CFAP57: variants seen among roughly 807,000 people sequenced by gnomAD.
CFAP57 encodes the protein cilia and flagella associated protein 57, also known as cilia- and flagella-associated protein 57.
In CFAP57, 116 loss-of-function variants were observed where a neutral mutation model predicts 146.8. That is an observed-to-expected ratio of 0.79 (90% CI 0.68 to 0.92). The LOEUF (loss-of-function observed/expected upper bound fraction) is 0.92. Ranked by LOEUF, CFAP57 falls within the 40% of genes least tolerant of loss-of-function variation. CFAP57 has a pLI of 0.00. For missense variants in CFAP57, 1,377 were observed against 1,527.2 expected (o/e 0.90, Z 1.64); for synonymous variants, 518 against 552.8 (o/e 0.94, Z 0.88).
intron 12 of CFAP57, 83 bp downstream of exon 12, chr1:43,215,499 A>G (rs1443539510): frequency 1.3e-6 from 2 of 1,483,238 alleles, no homozygotes; most frequent in Admixed American, 2.1e-5. Flanking sequence ...GGGGCCCTCT[A>G]CAGCCTGGCT....
chr1:43,183,631 C>G lies in CFAP57; in HGVS notation c.515C>G (p.Thr172Ser). The change falls in exon 4 of 23, where the codon ACT (threonine) becomes AGT (serine). Residue 172 changes from threonine to serine, a missense_variant. Coordinates refer to ENST00000372492, the MANE Select transcript of CFAP57 (RefSeq NM_001378189.1). Reference protein sequence around the residue: ...SPQDNTQVCVTGNGMFKLLRF... With the variant: ...SPQDNTQVCVSGNGMFKLLRF... The stretch of plus-strand genomic sequence containing the variant: ...CAGGATAACACTCAGGTGTGTGTCA[C>G]TGGAAATGGGATGTTTAAGCTTCTC... 6 of 1,614,174 alleles carry G rather than the reference C, an allele frequency of 3.7e-6. No homozygotes were observed. The highest frequency in any genetic ancestry group is 5.1e-6 in the Non-Finnish European group (6 of 1,180,022).
intron 2 of CFAP57, 50 bp from the exon 3 acceptor site, chr1:43,181,484 T>C (rs2124269673): frequency 1.2e-6 from 2 of 1,607,446 alleles, no homozygotes; most frequent in African/African-American, 1.3e-5. Context: ...TGTTGAACCC[T>C]GGTGAAAGTG....
chr1:43,225,310 C>CA (rs1645204471), intron 17 of CFAP57, among the ~76,000 whole-genome samples: 6 of 152,300 alleles, frequency 3.9e-5, no homozygotes, highest in African/African-American at 1.4e-4. Context: ...GGGGTCAGCA[C>CA]GCTCTTTCTG....
rs1429361671 is a variant in CFAP57, at chr1:43,183,589, A to C, written c.475-2A>C. The C allele has an allele frequency of 6.2e-7, 1 of 1,613,948 alleles. No homozygotes were observed. Among genetic ancestry groups the C allele is most frequent in the Non-Finnish European group, 8.5e-7 (1 of 1,179,794 alleles). The stretch of plus-strand genomic sequence containing the variant: ...TTTCTTCAATTCTCTCACATTTTAC[A>C]GGTGAGCTTCAGTCCACAGGATAAC... On this transcript the variant is annotated splice_acceptor_variant, in intron 3 of 22. Coordinates refer to ENST00000372492, the MANE Select transcript of CFAP57 (RefSeq NM_001378189.1). LOFTEE classifies it high-confidence loss of function.
intron 6 of CFAP57, among the ~76,000 whole-genome samples, chr1:43,193,862 C>A (rs1465819557): frequency 6.6e-6 from 1 of 152,018 alleles, no homozygotes; most frequent in Non-Finnish European, 1.5e-5. Context: ...CCACTGAAGT[C>A]ATTTCTTTAA....
chr1:43,212,241 C>T (rs1021949335), intron 11 of CFAP57, among the ~76,000 whole-genome samples: 3 of 152,192 alleles, frequency 2.0e-5, no homozygotes, highest in African/African-American at 7.2e-5. Flanking sequence ...CACTATAGAA[C>T]CGTTCCATCC....
chr1:43,242,411 C>G (rs1318834889), intron 21 of CFAP57, among the ~76,000 whole-genome samples: 1 of 152,146 alleles, frequency 6.6e-6, no homozygotes, highest in African/African-American at 2.4e-5. Flanking sequence ...TGGATGACTA[C>G]ATTATAGGTA....
chr1:43,203,909 T>C (rs148740673), intron 9 of CFAP57, among the ~76,000 whole-genome samples: 1 of 152,366 alleles, frequency 6.6e-6, no homozygotes, highest in African/African-American at 2.4e-5. Flanking sequence ...TTTTTCAGCA[T>C]TATTTATTTG....
rs906590775 is a variant in CFAP57 at position 43,240,105 on chromosome 1, C to T, written c.3406-3122C>T. The stretch of plus-strand genomic sequence containing the variant: ...CCAGGCAGCATCTGGAAAGGAAATG[C>T]GGGAAACCTATCACTGTTATGAGAC... On this transcript the variant is annotated intron_variant, in intron 21 of 22. Coordinates refer to ENST00000372492, the MANE Select transcript of CFAP57 (RefSeq NM_001378189.1). Among the ~76,000 whole-genome samples, 5 of 152,192 alleles carry T rather than the reference C, an allele frequency of 3.3e-5. 1 individual carries two copies. Among genetic ancestry groups the T allele is most frequent in the South Asian group, 4.1e-4 (2 of 4,832 alleles).
intron 11 of CFAP57, among the ~76,000 whole-genome samples, chr1:43,213,081 A>AG: frequency 2.0e-5 from 3 of 152,102 alleles, no homozygotes; most frequent in Admixed American, 2.0e-4. Context: ...TACTTCCATG[A>AG]GGTCAACTTT....
At position 43,231,532 on chromosome 1, in the gene CFAP57, T is replaced by C. The variant is rs1645466476; in HGVS notation, c.3010-976T>C. Reference sequence around the variant, plus strand: ...CCAGTTGTCATTCCCATGACTTTGGTTAATATAAATGCAAAAATGAATTTT... The same window carrying C: ...CCAGTTGTCATTCCCATGACTTTGGCTAATATAAATGCAAAAATGAATTTT... On this transcript the variant is annotated intron_variant, in intron 18 of 22. Coordinates refer to ENST00000372492, the MANE Select transcript of CFAP57 (RefSeq NM_001378189.1). Among the ~76,000 whole-genome samples the C allele has an allele frequency of 2.0e-5, 3 of 152,020 alleles. No individual in the cohort carries two copies. The South Asian group carries it at 6.2e-4, about 32-fold the overall frequency.
In CFAP57 at chr1:43,172,467, C is replaced by G; in HGVS notation, c.-20+14C>G. 2 of 1,542,570 alleles carry G rather than the reference C, an allele frequency of 1.3e-6. No individual in the cohort carries two copies. Among genetic ancestry groups the G allele is most frequent in the Non-Finnish European group, 1.8e-6 (2 of 1,142,262 alleles). On this transcript the variant is annotated intron_variant, in intron 1 of 22. Coordinates refer to ENST00000372492, the MANE Select transcript of CFAP57 (RefSeq NM_001378189.1). ...GAGAAACGAAAGGTGGGAGGGGGTA[C>G]CTGGGGGTCGCCAGAAGGAGCTGGT...
At chr1:43,211,809 A>C (rs1293023310) in intron 11 of CFAP57, among the ~76,000 whole-genome samples, 1 of 60,040 alleles carries the variant, frequency 1.7e-5, no homozygotes, top group Admixed American at 1.4e-4. Context: ...ATGGACTGTA[A>C]CTTACTATTC....
chr1:43,191,660 C>G (rs1259264961), intron 6 of CFAP57, among the ~76,000 whole-genome samples: 2 of 147,358 alleles, frequency 1.4e-5, no homozygotes, highest in Admixed American at 6.9e-5. Context: ...CCTCCTCCCC[C>G]CATTTTTTTT....
chr1:43,194,160 T>C (rs1643719786), intron 6 of CFAP57, among the ~76,000 whole-genome samples: 1 of 148,196 alleles, frequency 6.7e-6, no homozygotes, highest in Non-Finnish European at 1.5e-5. Context: ...TAGCAACATA[T>C]TTTTTCAGTT....
intron 6 of CFAP57, among the ~76,000 whole-genome samples, chr1:43,187,605 A>G (rs1643224927): frequency 6.9e-6 from 1 of 145,222 alleles, no homozygotes; most frequent in East Asian, 2.0e-4. Flanking sequence ...TATCACCTCA[A>G]AAAAAAAAAA....
intron 10 of CFAP57, among the ~76,000 whole-genome samples, chr1:43,209,148 C>T (rs1644485670): frequency 6.6e-6 from 1 of 152,226 alleles, no homozygotes; most frequent in Admixed American, 6.5e-5. Context: ...TCAGTACTAT[C>T]TGTGGTTTCA....
intron 21 of CFAP57, among the ~76,000 whole-genome samples, chr1:43,240,920 C>T (rs933973294): frequency 5.3e-5 from 8 of 152,140 alleles, no homozygotes; most frequent in Admixed American, 1.3e-4. Flanking sequence ...CTGCAAGCTC[C>T]GCCTCCTGGG....
chr1:43,190,716 TTC>T lies in CFAP57; in HGVS notation c.1122+3858_1122+3859del, dbSNP rs1491039961. Among the ~76,000 whole-genome samples the T allele has an allele frequency of 4.2e-5, 6 of 144,440 alleles. No homozygotes were observed. In the East Asian group the frequency reaches 8.4e-4, roughly 20 times the overall value. 94.8% of individuals were successfully genotyped at this position (144,440 alleles called of 152,430 possible). ...TGTTGGATTTTGTCACATTTTTTTT[TTC>T]CTGTGTCTATTGAAATTATTGTGTG... On this transcript the variant is annotated intron_variant, in intron 6 of 22. Coordinates refer to ENST00000372492, the MANE Select transcript of CFAP57 (RefSeq NM_001378189.1).
Sources: allele counts gnomAD v4.1 joint callset (sites outside exome capture counted in the v4.1 genomes callset), GRCh38; gene constraint gnomAD v4.1.1; transcripts MANE v1.5; gene names NCBI Gene and HGNC (gene_info 2026-07-23, HGNC 2026-07-21).